Variants in GSE1 observed in about 807,000 individuals in gnomAD.
GSE1 encodes the protein genetic suppressor element 1.
In GSE1, 32 loss-of-function variants were observed where a neutral mutation model predicts 112.6. The observed-to-expected ratio is 0.28, with a 90% CI of 0.21 to 0.38. The LOEUF is 0.38. Among genes scored for constraint, GSE1 ranks in the 10% least tolerant of loss-of-function variants. The probability of loss-of-function intolerance (pLI) is 1.00; values close to 1 mark genes in which losing one functional copy is unlikely to be tolerated. For missense variants in GSE1, 2,348 were observed against 1,699.2 expected, an observed-to-expected ratio of 1.38 and a Z score of -6.71; for synonymous variants, 1,115 against 735.6, an observed-to-expected ratio of 1.52 and a Z score of -8.35.
chr16:85,170,299 G>A (rs547245003), exon 1 of GSE1: 31 of 985,612 alleles, frequency 3.1e-5, no homozygotes, highest in Non-Finnish European at 3.5e-5. Flanking sequence ...GCGGAAGGGG[G>A]TTGGGAGGCA....
chr16:85,671,160 AC>A (rs916955283), intron 15 of GSE1, 62 bp downstream of exon 15: 1 of 936,328 alleles, frequency 1.1e-6, no homozygotes, highest in Admixed American at 1.9e-5. Context: ...GTTCAGAAAC[AC>A]CCATGCAGAT....
chr16:85,470,500 C>T (rs752199783), intron 2 of GSE1, among the ~76,000 whole-genome samples: 1 of 152,224 alleles, frequency 6.6e-6, no homozygotes, highest in African/African-American at 2.4e-5. Flanking sequence ...CTGGGATGCT[C>T]TATGTGTGGC....
chr16:85,410,944 T>C (rs2048514365), intron 2 of GSE1, among the ~76,000 whole-genome samples: 1 of 92,644 alleles, frequency 1.1e-5, no homozygotes. Context: ...ACTGTTACAC[T>C]CAGGCCCCCG....
At chr16:85,370,607 CCCTCCTTCTCTCCCT>C in intron 2 of GSE1, among the ~76,000 whole-genome samples, 1 of 4,748 alleles carries the variant, frequency 2.1e-4, no homozygotes, top group Non-Finnish European at 9.6e-4. Context: ...TCTCTTCCCT[CCCTCCTTCTCTCCCT>C]CCCTCCTTCT....
intron 1 of GSE1, among the ~76,000 whole-genome samples, chr16:85,289,610 G>A (rs565656200): frequency 6.6e-6 from 1 of 152,352 alleles, no homozygotes; most frequent in East Asian, 1.9e-4. Context: ...GAGAACCATG[G>A]AGCTGGACCG....
At chr16:85,634,833 C>T (rs2049851500) in intron 2 of GSE1, among the ~76,000 whole-genome samples, 2 of 152,312 alleles carry the variant, frequency 1.3e-5, no homozygotes, top group South Asian at 2.1e-4. Flanking sequence ...CCTGCGATGA[C>T]CATTGGCAGG....
rs1444128640 is a variant in GSE1, at chr16:85,311,002, G to T, written c.2284-46461G>T. 6.6e-6 allele frequency among the ~76,000 whole-genome samples: 1 copy of T among 152,240 alleles called. No individual in the cohort carries two copies. The highest frequency in any genetic ancestry group is 2.4e-5 in the African/African-American group (1 of 41,468). On this transcript the variant is annotated intron_variant, in intron 1 of 2. Coordinates refer to the GSE1 transcript ENST00000637419. The surrounding 1 kb of genome is among the most constrained non-coding windows in gnomAD (Gnocchi z 4.2). ...CAACCGGCAGGCAGGAGCAGTTTGA[G>T]GCTAAATATAAACCCAGCCGCCTTT...
chr16:85,581,237 AAG>A (rs1320214190), intron 1 of GSE1, among the ~76,000 whole-genome samples: 7 of 152,170 alleles, frequency 4.6e-5, no homozygotes, highest in Admixed American at 3.9e-4. Context: ...AGGAAGCCCC[AAG>A]AGAGGGGGAG....
At chr16:85,544,993 C>G (rs1398233935) in intron 2 of GSE1, among the ~76,000 whole-genome samples, 2 of 152,248 alleles carry the variant, frequency 1.3e-5, no homozygotes, top group East Asian at 3.8e-4. Flanking sequence ...TCCCATATTT[C>G]TCCTCCCCTC....
At chr16:85,307,049 C>T (rs896426215) in intron 1 of GSE1, among the ~76,000 whole-genome samples, 5 of 151,442 alleles carry the variant, frequency 3.3e-5, no homozygotes, top group East Asian at 2.0e-4. Context: ...GAAGTGTCCA[C>T]GAGGCTGGGC....
At chr16:85,200,693 C>T (rs2075011511) in intron 1 of GSE1, among the ~76,000 whole-genome samples, 1 of 152,222 alleles carries the variant, frequency 6.6e-6, no homozygotes, top group Admixed American at 6.5e-5. Context: ...GGGGACAGTT[C>T]AAGGGCTAGT....
upstream of GSE1, among the ~76,000 whole-genome samples, chr16:85,554,326 G>C (rs1013016346): frequency 3.9e-5 from 6 of 152,166 alleles, no homozygotes; most frequent in Non-Finnish European, 8.8e-5. Flanking sequence ...GGCGTGGGGA[G>C]GAGAGATACA....
At chr16:85,261,673 C>T (rs572190427) in intron 1 of GSE1, among the ~76,000 whole-genome samples, 103 of 152,282 alleles carry the variant, frequency 6.8e-4, no homozygotes, top group East Asian at 4.2e-3. Context: ...CACTGACTTT[C>T]GGCAGTGTCC....
At chr16:85,263,143 A>T (rs1907886639) in intron 1 of GSE1, among the ~76,000 whole-genome samples, 1 of 152,172 alleles carries the variant, frequency 6.6e-6, no homozygotes, top group African/African-American at 2.4e-5. Context: ...ACGCTTGGAG[A>T]GTGCGGGAGG....
intron 1 of GSE1, among the ~76,000 whole-genome samples, chr16:85,590,307 T>C (rs534696175): frequency 2.0e-5 from 3 of 150,714 alleles, no homozygotes; most frequent in African/African-American, 7.4e-5. Context: ...TGTGAACGCA[T>C]GGGCCCATGT....
intron 1 of GSE1, among the ~76,000 whole-genome samples, chr16:85,254,860 C>T (rs765017664): frequency 1.3e-5 from 2 of 152,210 alleles, no homozygotes; most frequent in Non-Finnish European, 2.9e-5. Flanking sequence ...CTGCAGCAGC[C>T]GAGGCTGGAG....
At chr16:85,365,402 C>T (rs1324305899) in intron 2 of GSE1, among the ~76,000 whole-genome samples, 1 of 152,246 alleles carries the variant, frequency 6.6e-6, no homozygotes, top group African/African-American at 2.4e-5. Context: ...TCTCTTTTCC[C>T]TGTGGACAAA....
chr16:85,548,139 G>A (rs1375070488), intron 2 of GSE1, among the ~76,000 whole-genome samples: 1 of 147,232 alleles, frequency 6.8e-6, no homozygotes, highest in Non-Finnish European at 1.5e-5. Context: ...TGAGGCAGGA[G>A]AATCACTTGA....
chr16:85,488,080 C>T (rs998271603), intron 2 of GSE1, among the ~76,000 whole-genome samples: 4 of 152,152 alleles, frequency 2.6e-5, no homozygotes, highest in Non-Finnish European at 4.4e-5. Flanking sequence ...TGGCTGTCCT[C>T]GCTGTGACCT....
Sources: allele counts gnomAD v4.1 joint callset (sites outside exome capture counted in the v4.1 genomes callset), GRCh38; gene constraint gnomAD v4.1.1; non-coding constraint Gnocchi (gnomAD v3.1); transcripts MANE v1.5; gene names NCBI Gene and HGNC (gene_info 2026-07-23, HGNC 2026-07-21).